Variants in PMVK observed in about 807,000 individuals in gnomAD.
PMVK encodes phosphomevalonate kinase.
PMVK carries 10 observed loss-of-function variants against 19.0 expected under a neutral mutation model. The ratio of observed to expected loss-of-function variants is 0.53; its 90% CI spans 0.32 to 0.89. The LOEUF (loss-of-function observed/expected upper bound fraction) is 0.89. Ranked by LOEUF, PMVK falls within the 40% of genes least tolerant of loss-of-function variation. The probability of loss-of-function intolerance (pLI) is 0.03; values close to 1 mark genes in which losing one functional copy is unlikely to be tolerated. For missense variants in PMVK, 222 were observed against 251.1 expected, an observed-to-expected ratio of 0.88 and a Z score of 0.78; for synonymous variants, 108 against 101.6, an observed-to-expected ratio of 1.06 and a Z score of -0.38.
chr1:154,925,080 G>GCCCCCCCCCCCCCCCCCCCCGCCC lies in PMVK; in HGVS notation c.*48_*49insGGGCGGGGGGGGGGGGGGGGGGGG. ...GGGACACCCCCATTTTGCAGAGTCA[G>GCCCCCCCCCCCCCCCCCCCCGCCC]CCCCACCCCCACCTCAGCAGGCCCC... On this transcript the variant is annotated 3_prime_UTR_variant, in exon 5 of 5. Transcript: ENST00000368467. 6.9e-7 allele frequency: 1 copy of GCCCCCCCCCCCCCCCCCCCCGCCC among 1,459,214 alleles called. No individual in the cohort carries two copies. Among genetic ancestry groups the GCCCCCCCCCCCCCCCCCCCCGCCC allele is most frequent in the Non-Finnish European group, 9.3e-7 (1 of 1,076,454 alleles). The allele number at this position is 1,459,214 out of a possible 1,614,324, so 90.4% of individuals were successfully genotyped here.
chr1:154,932,051 G>C (rs1654351970), intron 2 of PMVK, among the ~76,000 whole-genome samples: 1 of 152,158 alleles, frequency 6.6e-6, no homozygotes, highest in African/African-American at 2.4e-5. Context: ...TGAGAGGGTG[G>C]TGTGAGGAGG....
chr1:154,942,484 G>T, the PMVK span, among the ~76,000 whole-genome samples: 1 of 152,372 alleles, frequency 6.6e-6, no homozygotes, highest in East Asian at 1.9e-4. Context: ...CGTGGCCTGT[G>T]ATGAGTGCGA....
At position 154,925,144 on chromosome 1, in the gene PMVK, G is replaced by A. The variant is rs1654106691; in HGVS notation, c.564C>T (p.Ile188=). ...EEQLENLIEF[I]RSRL ...AACCTAGTGACTAAAGTCTGGAGCG[G>A]ATAAATTCTATCAGGTTCTCCAACT... Residue 188 remains isoleucine, a synonymous_variant, in exon 5 of 5, where the codon ATC becomes ATT. Coordinates refer to ENST00000368467, the MANE Select transcript of PMVK (RefSeq NM_006556.4). The A allele has an allele frequency of 5.6e-6, 9 of 1,613,466 alleles. No individual in the cohort carries two copies. Among genetic ancestry groups the A allele is most frequent in the Non-Finnish European group, 6.8e-6 (8 of 1,179,858 alleles).
intron 1 of PMVK, among the ~76,000 whole-genome samples, chr1:154,932,978 C>T (rs895103821): frequency 2.6e-5 from 4 of 152,078 alleles, no homozygotes; most frequent in African/African-American, 4.8e-5. Context: ...AGCATGGCAG[C>T]ATGTGCCTGT....
At chr1:154,925,523 C>T (rs758217576) in intron 4 of PMVK, among the ~76,000 whole-genome samples, 3 of 152,202 alleles carry the variant, frequency 2.0e-5, no homozygotes, top group Non-Finnish European at 4.4e-5. Flanking sequence ...GAGGGTGAAT[C>T]GGGTCATCTA....
Position 154,936,639 on chromosome 1 carries a change from C to A in PMVK, c.47G>T (p.Gly16Val). The change falls in exon 1 of 5, where the codon GGC becomes GTC. Residue 16 changes from glycine to valine, a missense_variant. Gly to Val is a moderately radical substitution (Grantham distance 109). Coordinates refer to ENST00000368467, the MANE Select transcript of PMVK (RefSeq NM_006556.4). Reference protein sequence around the residue: ...GAPRLVLLFSGKRKSGKDFVT... With the variant: ...GAPRLVLLFSVKRKSGKDFVT... ...GAAGTCCTTCCCGGATTTCCTCTTG[C>A]CGCTGAACAGCAGTACCAGCCGCGG... 1 of 1,609,284 alleles carries A rather than the reference C, an allele frequency of 6.2e-7. No individual in the cohort carries two copies. The highest frequency in any genetic ancestry group is 8.5e-7 in the Non-Finnish European group (1 of 1,178,132).
At chr1:154,931,970 T>C (rs937800803) in intron 2 of PMVK, among the ~76,000 whole-genome samples, 2 of 152,160 alleles carry the variant, frequency 1.3e-5, no homozygotes, top group African/African-American at 2.4e-5. Context: ...ATTACAGGCA[T>C]GTGCCACCGT....
upstream of PMVK, among the ~76,000 whole-genome samples, chr1:154,939,415 G>A (rs374272822): frequency 6.6e-6 from 1 of 152,220 alleles, no homozygotes; most frequent in African/African-American, 2.4e-5. Flanking sequence ...GCCCGGTGCA[G>A]TGGCTCATGC....
Position 154,926,361 on chromosome 1 carries a change from G to T in PMVK, c.435C>A (p.Phe145Leu). The T allele has an allele frequency of 6.2e-7, 1 of 1,613,002 alleles. No individual in the cohort carries two copies. Residue 145 changes from phenylalanine (F) to leucine (L), a missense_variant, in exon 4 of 5, where the codon TTC becomes TTA. Coordinates refer to ENST00000368467, the MANE Select transcript of PMVK (RefSeq NM_006556.4). ...ACACATAGAGTGGCTCACCTGGCGT[G>T]AACACCCAGCCCCGCTGCTGTCGGC... is the stretch of plus-strand genomic sequence containing the variant. Reference protein sequence around the residue: ...EQSRQQRGWVFTPGVDDAESE... With the variant: ...EQSRQQRGWVLTPGVDDAESE...
chr1:154,927,600 T>G (rs987239975), intron 3 of PMVK, among the ~76,000 whole-genome samples: 1 of 151,616 alleles, frequency 6.6e-6, no homozygotes, highest in African/African-American at 2.4e-5. Flanking sequence ...CTGTAGTGAC[T>G]CCCCATCTCA....
chr1:154,929,000 C>T lies in PMVK; in HGVS notation c.312+24G>A, dbSNP rs751726229. 25 of 1,608,616 alleles carry T rather than the reference C, an allele frequency of 1.6e-5. No individual in the cohort carries two copies. The Admixed American group carries it at 4.2e-4, about 27-fold the overall frequency. ...AAGAGCTAGGGAAACAGGTGTTCTT[C>T]ATGCTGCCATGGAGCCCTCTTACCC... On this transcript the variant is annotated intron_variant, in intron 3 of 4. Coordinates refer to ENST00000368467, the MANE Select transcript of PMVK (RefSeq NM_006556.4).
At chr1:154,932,554 C>T (rs1654371670) in intron 1 of PMVK, 139 bp from the exon 2 acceptor site, 1 of 581,046 alleles carries the variant, frequency 1.7e-6, no homozygotes, top group East Asian at 3.2e-5. Context: ...TCTCAATGTC[C>T]CTGATCCTGT....
Position 154,926,351 on chromosome 1 carries a change from C to G in PMVK, c.442+3G>C. ...CCTGTGCCCTACACATAGAGTGGCT[C>G]ACCTGGCGTGAACACCCAGCCCCGC... On this transcript the variant is annotated splice_donor_region_variant and intron_variant, in intron 4 of 4. Coordinates refer to ENST00000368467, the MANE Select transcript of PMVK (RefSeq NM_006556.4). 1 of 1,612,460 alleles carries G rather than the reference C, an allele frequency of 6.2e-7. No individual in the cohort carries two copies. Among genetic ancestry groups the G allele is most frequent in the Non-Finnish European group, 8.5e-7 (1 of 1,179,346 alleles).
chr1:154,925,018 AC>A lies in PMVK; in HGVS notation c.*110del, dbSNP rs144182615. On this transcript the variant is annotated 3_prime_UTR_variant, in exon 5 of 5. Coordinates refer to ENST00000368467, the MANE Select transcript of PMVK (RefSeq NM_006556.4). The stretch of plus-strand genomic sequence containing the variant: ...ATCCACCAACCCCCTCAGAATCTAG[AC>A]CCCCCCTGTCTGTTCCTCACCTCGG... 4,296 of 475,134 alleles carry A rather than the reference AC, an allele frequency of 9.0e-3. 37 individuals carry two copies. Among genetic ancestry groups the A allele is most frequent in the Non-Finnish European group, 0.013 (3,602 of 280,390 alleles). The allele number at this position is 475,134 out of a possible 1,614,324, so 29.4% of individuals were successfully genotyped here. A position where few individuals can be genotyped will look rare whatever the true frequency, so the allele number is the denominator to read the frequency against.
chr1:154,940,741 G>A (rs1056369187), upstream of PMVK, among the ~76,000 whole-genome samples: 2 of 152,054 alleles, frequency 1.3e-5, no homozygotes, highest in African/African-American at 2.4e-5. Context: ...AATTAGCCTC[G>A]GGGCAAGGAT....
At chr1:154,930,119 C>T (rs939430146) in intron 2 of PMVK, among the ~76,000 whole-genome samples, 10 of 152,166 alleles carry the variant, frequency 6.6e-5, no homozygotes, top group African/African-American at 1.9e-4. Context: ...TGGACTTGCA[C>T]AGAGCAAGGG....
intron 3 of PMVK, among the ~76,000 whole-genome samples, chr1:154,926,804 C>T (rs1654177821): frequency 6.6e-6 from 1 of 152,106 alleles, no homozygotes; most frequent in African/African-American, 2.4e-5. Flanking sequence ...CCTGTGCCTG[C>T]CCTCTCAGAG....
At chr1:154,934,547 T>G (rs1260666946) in intron 1 of PMVK, among the ~76,000 whole-genome samples, 1 of 152,138 alleles carries the variant, frequency 6.6e-6, no homozygotes, top group Non-Finnish European at 1.5e-5. Context: ...TGTTCTTATT[T>G]TCATGTTTCA....
At position 154,936,677 on chromosome 1, in the gene PMVK, C is replaced by T. The variant is rs775483553; in HGVS notation, c.9G>A (p.Pro3=). 9 of 1,605,734 alleles carry T rather than the reference C, an allele frequency of 5.6e-6. No individual in the cohort carries two copies. Among genetic ancestry groups the T allele is most frequent in the Non-Finnish European group, 7.6e-6 (9 of 1,176,756 alleles). The change falls in exon 1 of 5, where the codon CCG becomes CCA. Residue 3 remains proline, a synonymous_variant. Coordinates refer to ENST00000368467, the MANE Select transcript of PMVK (RefSeq NM_006556.4). MA[P]LGGAPRLVLL... is the part of the protein sequence containing the mutation. ...GTACCAGCCGCGGGGCGCCTCCCAG[C>T]GGGGCCATGGGGCCGCCACGCCTCG...
Sources: gnomAD v4.1 joint callset for allele counts (sites outside exome capture counted in the v4.1 genomes callset) on GRCh38, gnomAD v4.1.1 for gene constraint, MANE v1.5 for transcripts, NCBI Gene and HGNC (gene_info 2026-07-23, HGNC 2026-07-21) for gene names.